Variants in LHX8 observed in about 807,000 individuals in gnomAD.
LHX8 encodes LIM/homeobox protein Lhx8.
Under a neutral mutation model 40.3 loss-of-function variants are expected in LHX8, and 12 were observed. That is an observed-to-expected ratio of 0.30 (90% CI 0.19 to 0.48). LHX8 has a LOEUF of 0.48. Ranked by LOEUF, LHX8 falls within the 20% of genes least tolerant of loss-of-function variation. LHX8 has a pLI of 0.99. For synonymous variants in LHX8, 179 were observed against 162.0 expected (o/e 1.10, Z -0.80); for missense variants, 344 against 433.7 (o/e 0.79, Z 1.84).
At chr1:75,131,008 GT>G, upstream of LHX8, 1 of 511,258 alleles carries the variant, frequency 2.0e-6, no homozygotes, top group East Asian at 3.5e-5. Context: ...ATGGCCCACT[GT>G]ACCCTTGGCG....
At chr1:75,160,700 C>A in intron 8 of LHX8, 119 bp from the exon 9 acceptor site, 1 of 753,468 alleles carries the variant, frequency 1.3e-6, no homozygotes, top group Non-Finnish European at 2.4e-6. Context: ...ATGAGTGTAG[C>A]TTGGTGCCCT....
At chr1:75,168,591 A>G in the LHX8 span, among the ~76,000 whole-genome samples, 1 of 151,996 alleles carries the variant, frequency 6.6e-6, no homozygotes, top group African/African-American at 2.4e-5. Context: ...TTAAAGAGAG[A>G]GGACGCACAG....
the LHX8 span, among the ~76,000 whole-genome samples, chr1:75,173,425 C>G: frequency 7.0e-6 from 1 of 142,750 alleles, no homozygotes; most frequent in South Asian, 2.2e-4. Context: ...GTTCTGTCGC[C>G]CAGGCTGGAG....
At chr1:75,164,642 T>A (rs1648994026), downstream of LHX8, among the ~76,000 whole-genome samples, 1 of 152,166 alleles carries the variant, frequency 6.6e-6, no homozygotes, top group African/African-American at 2.4e-5. Context: ...TATTTTTTAA[T>A]CTTATACTCA....
At chr1:75,171,413 T>G in the LHX8 span, among the ~76,000 whole-genome samples, 1 of 144,236 alleles carries the variant, frequency 6.9e-6, no homozygotes. Flanking sequence ...TGGGGCCAAA[T>G]TTTTATTATT....
the LHX8 span, among the ~76,000 whole-genome samples, chr1:75,189,514 G>A: frequency 6.6e-6 from 1 of 152,240 alleles, no homozygotes; most frequent in South Asian, 2.1e-4. Flanking sequence ...TTAATTTATG[G>A]ATAGGGTGTC....
downstream of LHX8, among the ~76,000 whole-genome samples, chr1:75,163,584 T>C (rs1261194115): frequency 3.3e-5 from 5 of 152,284 alleles, no homozygotes; most frequent in Admixed American, 6.5e-5. Flanking sequence ...TTTAGATGGA[T>C]CTGAGTCCAA....
the LHX8 span, among the ~76,000 whole-genome samples, chr1:75,181,049 A>G: frequency 6.6e-6 from 1 of 152,192 alleles, no homozygotes; most frequent in Non-Finnish European, 1.5e-5. Context: ...ATTGCAGAAC[A>G]GCAAATATTG....
At chr1:75,136,481 A>G (rs1454756421) in intron 1 of LHX8, 122 bp from the exon 2 acceptor site, 1 of 679,100 alleles carries the variant, frequency 1.5e-6, no homozygotes, top group Non-Finnish European at 2.4e-6. Flanking sequence ...TGACGGCTGC[A>G]CGCGCTGCCC....
At chr1:75,159,982 TCTC>T (rs1429958539) in intron 8 of LHX8, 1 of 152,178 alleles carries the variant, frequency 6.6e-6, no homozygotes, top group African/African-American at 2.4e-5. Flanking sequence ...AACTAGGGCT[TCTC>T]CTCTTCAGCG....
chr1:75,179,502 G>GTTTTTTTTTTTTTTTTTTTTTTTTTTTTT, the LHX8 span, among the ~76,000 whole-genome samples: 3 of 108,484 alleles, frequency 2.8e-5, no homozygotes, highest in Non-Finnish European at 5.6e-5. Flanking sequence ...AACCCCTGTT[G>GTTTTTTTTTTTTTTTTTTTTTTTTTTTTT]TTTTTTTTTT....
In LHX8 at chr1:75,160,884, A is replaced by C; in HGVS notation, c.1030A>C (p.Ser344Arg). 6.2e-7 allele frequency: 1 copy of C among 1,610,662 alleles called. No individual in the cohort carries two copies. The highest frequency in any genetic ancestry group is 1.1e-5 in the South Asian group (1 of 91,000). Reference protein sequence around the residue: ...LPHSMTQLPISHT With the variant: ...LPHSMTQLPIRHT ...CCATTCAATGACACAACTGCCAATA[A>C]GTCATACCTAATTCTTTTTTCAGGG... Residue 344 changes from serine to arginine, a missense_variant, in exon 9 of 9, where the codon AGT (serine) becomes CGT (arginine). Physicochemically the swap from Ser to Arg is moderately radical, Grantham distance 110. This residue lies in a region of LHX8 where 89 missense variants were observed against 92.8 expected (regional missense o/e 0.96). Coordinates refer to ENST00000356261, the MANE Select transcript of LHX8 (RefSeq NM_001256114.2).
the LHX8 span, among the ~76,000 whole-genome samples, chr1:75,180,997 T>C: frequency 6.6e-6 from 1 of 151,518 alleles, no homozygotes; most frequent in Non-Finnish European, 1.5e-5. Context: ...CTCTAGACCC[T>C]GTTTGCCTGG....
downstream of LHX8, among the ~76,000 whole-genome samples, chr1:75,165,083 G>A (rs1438319544): frequency 6.6e-6 from 1 of 152,034 alleles, no homozygotes; most frequent in Admixed American, 6.6e-5. Flanking sequence ...CATTCATTAG[G>A]ATTTTTTCAG....
chr1:75,147,052 C>G (rs1648478364), intron 6 of LHX8, among the ~76,000 whole-genome samples: 1 of 152,116 alleles, frequency 6.6e-6, no homozygotes, highest in African/African-American at 2.4e-5. Flanking sequence ...AAACATAACT[C>G]TATTTTCACA....
chr1:75,154,398 T>C (rs1001171659), intron 7 of LHX8, among the ~76,000 whole-genome samples: 2 of 152,088 alleles, frequency 1.3e-5, no homozygotes, highest in African/African-American at 4.8e-5. Context: ...AGTGTTTTTT[T>C]TTTTCAATCA....
At chr1:75,149,488 G>T (rs1237173782) in intron 7 of LHX8, among the ~76,000 whole-genome samples, 1 of 152,156 alleles carries the variant, frequency 6.6e-6, no homozygotes, top group Non-Finnish European at 1.5e-5. Context: ...TGGTTTTGTT[G>T]TTGTTGTTGT....
intron 7 of LHX8, among the ~76,000 whole-genome samples, chr1:75,155,586 A>G (rs1648742837): frequency 6.6e-6 from 1 of 152,106 alleles, no homozygotes; most frequent in Non-Finnish European, 1.5e-5. Flanking sequence ...GGGAATTCAA[A>G]CACAGGCATA....
chr1:75,175,483 T>G, the LHX8 span, among the ~76,000 whole-genome samples: 3 of 152,286 alleles, frequency 2.0e-5, no homozygotes, highest in African/African-American at 7.2e-5. Context: ...ATTTTTGATT[T>G]TTTAATTATG....
Sources: gnomAD v4.1 joint callset for allele counts (sites outside exome capture counted in the v4.1 genomes callset) on GRCh38, gnomAD v4.1.1 for gene constraint, gnomAD v4.1.1 regional missense constraint, MANE v1.5 for transcripts, NCBI Gene and HGNC (gene_info 2026-07-23, HGNC 2026-07-21) for gene names.